SEC14L1: variants seen among roughly 807,000 people sequenced by gnomAD.
SEC14L1 encodes the protein SEC14 like lipid binding 1, also known as SEC14-like protein 1.
In SEC14L1, 48 loss-of-function variants were observed where a neutral mutation model predicts 85.3. That is an observed-to-expected ratio of 0.56 (90% CI 0.45 to 0.72). The LOEUF (loss-of-function observed/expected upper bound fraction) is 0.72, where lower values mean the gene tolerates loss of function less well. Ranked by LOEUF, SEC14L1 falls within the 30% of genes least tolerant of loss-of-function variation. The pLI is 0.00. For synonymous variants in SEC14L1, 391 were observed against 355.5 expected (o/e 1.10, Z -1.12); for missense variants, 682 against 921.4 (o/e 0.74, Z 3.36).
Position 77,104,430 on chromosome 17 carries a change from CT to C in SEC14L1, c.-136+11097del, listed in dbSNP as rs111712879. ...GCCACTGCGCCCGGCCTTGTGTTTA[CT>C]TTTTTTTTTTTTTGTCTCCCTTTGT... On this transcript the variant is annotated intron_variant, in intron 3 of 19. Coordinates refer to the SEC14L1 transcript ENST00000392476. Among the ~76,000 whole-genome samples the C allele has an allele frequency of 9.1e-4, 124 of 135,928 alleles. 2 individuals are homozygous for C. The highest frequency in any genetic ancestry group is 1.7e-3 in the African/African-American group (64 of 36,646). The allele number at this position is 135,928 out of a possible 152,430, so 89.2% of individuals were successfully genotyped here.
chr17:77,210,922 A>G (rs1384284686), intron 14 of SEC14L1: 2 of 152,254 alleles, frequency 1.3e-5, no homozygotes, highest in African/African-American at 2.4e-5. Flanking sequence ...ACTGAAAGGA[A>G]GGCTGAAGCG....
At chr17:77,166,416 A>G (rs778974630) in intron 3 of SEC14L1, among the ~76,000 whole-genome samples, 4 of 152,250 alleles carry the variant, frequency 2.6e-5, no homozygotes, top group Non-Finnish European at 5.9e-5. Context: ...TGCCTCTTCT[A>G]AAGCCTGTGC....
chr17:77,167,090 A>G (rs922269681), intron 3 of SEC14L1, among the ~76,000 whole-genome samples: 3 of 142,552 alleles, frequency 2.1e-5, no homozygotes, highest in African/African-American at 7.8e-5. Context: ...AATGTTAGAA[A>G]TTTTTCTAGG....
chr17:77,108,004 A>G (rs1300229676), intron 3 of SEC14L1, among the ~76,000 whole-genome samples: 1 of 151,992 alleles, frequency 6.6e-6, no homozygotes, highest in African/African-American at 2.4e-5. Context: ...TCCGCCTCCC[A>G]AAGTGTTAAA....
At position 77,206,483 on chromosome 17, in the gene SEC14L1, A is replaced by G. The variant is rs548716348; in HGVS notation, c.1341+83A>G. On this transcript the variant is annotated intron_variant, in intron 12 of 16. Coordinates refer to ENST00000436233, the MANE Select transcript of SEC14L1 (RefSeq NM_001143998.2). This position sits in a 1 kb window ranked among gnomAD's most constrained non-coding sequence, Gnocchi z 4.3. ...ATTCATATACACGTGTCTGTGACCTAAAGTCTTAACTTCTTAGGAAAAAAA... is the reference window on the plus strand; with the variant it reads ...ATTCATATACACGTGTCTGTGACCTGAAGTCTTAACTTCTTAGGAAAAAAA... The G allele has an allele frequency of 5.5e-6, 8 of 1,459,094 alleles. No homozygotes were observed. In the African/African-American group the frequency reaches 9.9e-5, roughly 18 times the overall value. The allele number at this position is 1,459,094 out of a possible 1,614,324, so 90.4% of individuals were successfully genotyped here.
intron 3 of SEC14L1, among the ~76,000 whole-genome samples, chr17:77,180,827 T>G (rs1417315124): frequency 1.3e-5 from 2 of 152,178 alleles, no homozygotes; most frequent in Non-Finnish European, 2.9e-5. Context: ...TGAATTTTAG[T>G]TTTTATAAAT....
At chr17:77,121,050 C>T (rs1255198043) in intron 3 of SEC14L1, among the ~76,000 whole-genome samples, 1 of 152,156 alleles carries the variant, frequency 6.6e-6, no homozygotes, top group Non-Finnish European at 1.5e-5. Flanking sequence ...GCAGCTCCAT[C>T]GGTGAGATGG....
chr17:77,106,261 T>C (rs1239842908), intron 3 of SEC14L1, among the ~76,000 whole-genome samples: 1 of 152,028 alleles, frequency 6.6e-6, no homozygotes, highest in Non-Finnish European at 1.5e-5. Context: ...AGGCCAGGTG[T>C]GGTGGCTCAC....
intron 3 of SEC14L1, among the ~76,000 whole-genome samples, chr17:77,176,817 C>T (rs1974777596): frequency 6.6e-6 from 1 of 152,124 alleles, no homozygotes; most frequent in Non-Finnish European, 1.5e-5. Context: ...GAACTCCCAA[C>T]CTCAGGTGAT....
At chr17:77,205,220 C>T (rs1004933850) in intron 10 of SEC14L1, 56 bp from the exon 11 acceptor site, 19 of 1,439,744 alleles carry the variant, frequency 1.3e-5, no homozygotes, top group African/African-American at 2.8e-5. Context: ...TAGCTGGACG[C>T]GGTAGTTTTA....
At chr17:77,109,997 G>A (rs1972012377) in intron 3 of SEC14L1, among the ~76,000 whole-genome samples, 1 of 152,030 alleles carries the variant, frequency 6.6e-6, no homozygotes, top group Non-Finnish European at 1.5e-5. Flanking sequence ...TTTTAATTCC[G>A]TACTTTCTGT....
upstream of SEC14L1, among the ~76,000 whole-genome samples, chr17:77,139,799 G>T (rs1484507008): frequency 6.6e-6 from 1 of 152,064 alleles, no homozygotes; most frequent in Non-Finnish European, 1.5e-5. Context: ...CGCCCGGCCG[G>T]TGGATGTGAT....
In SEC14L1 at chr17:77,213,198, A is replaced by G. The variant is rs1567939434; in HGVS notation, c.1864-116A>G. 3 of 845,466 alleles carry G rather than the reference A, an allele frequency of 3.5e-6. No homozygotes were observed. The highest frequency in any genetic ancestry group is 3.4e-5 in the African/African-American group (2 of 58,532). The allele number at this position is 845,466 out of a possible 1,614,324, so 52.4% of individuals were successfully genotyped here. A position where few individuals can be genotyped will look rare whatever the true frequency, so the allele number is the denominator to read the frequency against. ...AGCAGGTTCTGAATCCCATTGAGAT[A>G]GTTTCCGTAGCTACATGAAATCCTA... On this transcript the variant is annotated intron_variant, in intron 15 of 16. Transcript: ENST00000436233. The surrounding 1 kb of genome is among the most constrained non-coding windows in gnomAD (Gnocchi z 7.1).
chr17:77,165,367 G>A (rs1296462964), intron 3 of SEC14L1, among the ~76,000 whole-genome samples: 1 of 152,142 alleles, frequency 6.6e-6, no homozygotes, highest in Non-Finnish European at 1.5e-5. Flanking sequence ...TTTACTTATT[G>A]TAGGGAGACA....
intron 8 of SEC14L1, among the ~76,000 whole-genome samples, chr17:77,197,365 A>G (rs940119898): frequency 3.9e-5 from 6 of 152,326 alleles, no homozygotes; most frequent in South Asian, 2.1e-4. Context: ...GTTGATTGAC[A>G]GTAATGGAAC....
At chr17:77,198,695 C>T (rs113374368) in intron 8 of SEC14L1, among the ~76,000 whole-genome samples, 3 of 151,784 alleles carry the variant, frequency 2.0e-5, no homozygotes, top group African/African-American at 7.3e-5. Flanking sequence ...CTGCTTCAGC[C>T]TCCCCAGTAG....
chr17:77,143,867 C>A, intron 3 of SEC14L1: 2 of 441,058 alleles, frequency 4.5e-6, no homozygotes, highest in East Asian at 7.7e-5. Flanking sequence ...AAAAAAAATG[C>A]ACCTCAGGGT....
At chr17:77,169,434 G>A (rs1299272511) in intron 3 of SEC14L1, among the ~76,000 whole-genome samples, 1 of 152,128 alleles carries the variant, frequency 6.6e-6, no homozygotes, top group Non-Finnish European at 1.5e-5. Context: ...GCTTATGCCC[G>A]GTCAGTCAGA....
intron 3 of SEC14L1, among the ~76,000 whole-genome samples, chr17:77,121,514 A>G (rs905046637): frequency 2.5e-4 from 38 of 152,104 alleles, no homozygotes; most frequent in African/African-American, 8.5e-4. Flanking sequence ...ACGTGCCACC[A>G]TGCCCGGCTA....
Sources: allele counts gnomAD v4.1 joint callset (sites outside exome capture counted in the v4.1 genomes callset), GRCh38; gene constraint gnomAD v4.1.1; non-coding constraint Gnocchi (gnomAD v3.1); transcripts MANE v1.5; gene names NCBI Gene and HGNC (gene_info 2026-07-23, HGNC 2026-07-21).